Variants in VCAN observed in about 807,000 individuals in gnomAD.
VCAN encodes the protein versican core protein.
A neutral mutation model predicts 245.5 loss-of-function variants in VCAN; 44 were observed. The ratio of observed to expected loss-of-function variants is 0.18; its 90% confidence interval spans 0.14 to 0.23. VCAN has a LOEUF of 0.23. Ranked by LOEUF, VCAN falls within the 10% of genes least tolerant of loss-of-function variation. The pLI, the probability that VCAN is intolerant of heterozygous loss-of-function variation, is 1.00. For missense variants in VCAN, 3,793 were observed against 4,057.9 expected (o/e 0.93, Z 1.77); for synonymous variants, 1,413 against 1,437.0 (o/e 0.98, Z 0.38).
chr5:83,526,824 G>C (rs1746318932), intron 7 of VCAN, among the ~76,000 whole-genome samples: 3 of 152,148 alleles, frequency 2.0e-5, no homozygotes, highest in African/African-American at 7.2e-5. Context: ...ACATGTATGT[G>C]CAAAACTAAG....
chr5:83,521,772 C>T lies in VCAN; in HGVS notation c.3466C>T (p.Pro1156Ser). The change falls in exon 7 of 15, where the codon CCT (proline) becomes TCT (serine). Residue 1156 changes from proline to serine, a missense_variant. Pro to Ser is a moderately conservative substitution (Grantham distance 74). This residue lies in a region of VCAN where 3,182 missense variants were observed against 3,250.3 expected (regional missense o/e 0.98). Coordinates refer to ENST00000265077, the MANE Select transcript of VCAN (RefSeq NM_004385.5). The part of the protein sequence containing the change: ...STTGFTSSLS[P>S]FSTHITQLME... ...AACAGGATTTACATCATCTTTGAGTCCTTTTAGTACCCACATTACCCAGCT... is the reference window on the plus strand; with the variant it reads ...AACAGGATTTACATCATCTTTGAGTTCTTTTAGTACCCACATTACCCAGCT... 6.2e-7 allele frequency: 1 copy of T among 1,614,124 alleles called. No homozygotes were observed.
At chr5:83,529,967 C>A (rs544274609) in intron 7 of VCAN, among the ~76,000 whole-genome samples, 2 of 152,142 alleles carry the variant, frequency 1.3e-5, no homozygotes, top group Admixed American at 6.6e-5. Flanking sequence ...AATTCAAGAT[C>A]ATTTATGCCA....
rs1294233133 is a variant in VCAN at position 83,520,947 on chromosome 5, A to G, written c.2641A>G (p.Ile881Val). The G allele has an allele frequency of 5.0e-6, 8 of 1,614,052 alleles. No individual in the cohort carries two copies. The highest frequency in any genetic ancestry group is 2.2e-5 in the South Asian group (2 of 91,086). ...EDIAAHGKFTIRFQPTTSTGI... is the reference protein window; with the variant it reads ...EDIAAHGKFTVRFQPTTSTGI... Reference sequence around the variant, plus strand: ...CATAGCAGCCCATGGAAAATTCACAATTAGATTTCAGCCAACTACATCAAC... The same window carrying G: ...CATAGCAGCCCATGGAAAATTCACAGTTAGATTTCAGCCAACTACATCAAC... Residue 881 changes from isoleucine (I) to valine (V), a missense_variant, in exon 7 of 15, where the codon ATT (isoleucine) becomes GTT (valine). Transcript: ENST00000265077.
rs370475972 is a variant in VCAN at position 83,574,309 on chromosome 5, C to T, written c.9880+1749C>T. Among the ~76,000 whole-genome samples, 29 of 152,284 alleles carry T rather than the reference C, an allele frequency of 1.9e-4. No homozygotes were observed. The East Asian group carries it at 3.9e-3, about 20-fold the overall frequency. On this transcript the variant is annotated intron_variant, in intron 13 of 14. Coordinates refer to ENST00000265077, the MANE Select transcript of VCAN (RefSeq NM_004385.5). ...TGCTCTATTAGGTTTCTAGGTATTC[C>T]TTAATCCAGTCATGTTGACACCTAA...
chr5:83,568,205 A>C (rs1055839093), intron 12 of VCAN, among the ~76,000 whole-genome samples: 1 of 152,198 alleles, frequency 6.6e-6, no homozygotes, highest in Non-Finnish European at 1.5e-5. Context: ...GACACAAAGG[A>C]AGTTGTTAAG....
In VCAN at chr5:83,541,056, G is replaced by A. The variant is rs59948995; in HGVS notation, c.8053G>A (p.Val2685Ile). 219 of 1,614,004 alleles carry A rather than the reference G, an allele frequency of 1.4e-4. 3 individuals carry two copies. In the East Asian group the frequency reaches 4.4e-3, roughly 32 times the overall value. The change falls in exon 8 of 15, where the codon GTT (valine) becomes ATT (isoleucine). Residue 2685 changes from valine (V) to isoleucine (I), a missense_variant. Coordinates refer to ENST00000265077, the MANE Select transcript of VCAN (RefSeq NM_004385.5). Reference sequence around the variant, plus strand: ...TCCTAGCACAGAAACAGAATTAGACGTTTTACTTCCCACGGCAACATCCCT... The same window carrying A: ...TCCTAGCACAGAAACAGAATTAGACATTTTACTTCCCACGGCAACATCCCT... ...PAPSTETELD[V>I]LLPTATSLPI...
In VCAN at chr5:83,537,039, C is replaced by G. The variant is rs751023698; in HGVS notation, c.4036C>G (p.Pro1346Ala). 1.2e-6 allele frequency: 2 copies of G among 1,607,580 alleles called. No homozygotes were observed. The highest frequency in any genetic ancestry group is 4.5e-5 in the East Asian group (2 of 44,794). ...GAGTGATTTGAGTGTAATTGGTCATCCAATAGATTCAGAATCTAAAGAAGA... is the reference window on the plus strand; with the variant it reads ...GAGTGATTTGAGTGTAATTGGTCATGCAATAGATTCAGAATCTAAAGAAGA... ...RMSDLSVIGH[P>A]IDSESKEDEP... Residue 1346 changes from proline to alanine, a missense_variant, in exon 8 of 15, where the codon CCA (proline) becomes GCA (alanine). Pro to Ala is a conservative substitution (Grantham distance 27). Around this residue, in one of 5 missense-constraint regions of VCAN, gnomAD observed 3,182 missense variants for 3,250.3 expected, o/e 0.98. Coordinates refer to ENST00000265077, the MANE Select transcript of VCAN (RefSeq NM_004385.5).
In VCAN at chr5:83,541,025, C is replaced by T; in HGVS notation, c.8022C>T (p.Ile2674=). The T allele has an allele frequency of 6.2e-7, 1 of 1,614,074 alleles. No individual in the cohort carries two copies. The change falls in exon 8 of 15, where the codon ATC becomes ATT. Residue 2674 remains isoleucine, a synonymous_variant. Transcript: ENST00000265077. Reference sequence around the variant, plus strand: ...TGGGCTTTCACTTCACAACTGGGATCCCTGCTCCTAGCACAGAAACAGAAT... The same window carrying T: ...TGGGCTTTCACTTCACAACTGGGATTCCTGCTCCTAGCACAGAAACAGAAT... The part of the protein sequence containing the change: ...DHMGFHFTTG[I]PAPSTETELD...
chr5:83,547,838 AATT>A, intron 9 of VCAN, 130 bp from the exon 10 acceptor site: 1 of 742,298 alleles, frequency 1.3e-6, no homozygotes, highest in Non-Finnish European at 2.4e-6. Context: ...TATGCTAACA[AATT>A]ATACTTTTTT....
chr5:83,495,013 C>T (rs1745112868), intron 5 of VCAN, among the ~76,000 whole-genome samples: 1 of 152,044 alleles, frequency 6.6e-6, no homozygotes, highest in Non-Finnish European at 1.5e-5. Context: ...AATAAAGGCA[C>T]ATGGAATAGA....
intron 1 of VCAN, among the ~76,000 whole-genome samples, chr5:83,474,128 T>G (rs1744298638): frequency 6.6e-6 from 1 of 151,902 alleles, no homozygotes; most frequent in South Asian, 2.1e-4. Context: ...CGCCCCAGGA[T>G]ATTGCAAAAG....
intron 1 of VCAN, among the ~76,000 whole-genome samples, chr5:83,472,231 G>A (rs982484205): frequency 2.6e-5 from 4 of 150,998 alleles, no homozygotes; most frequent in Non-Finnish European, 5.9e-5. Flanking sequence ...GAGGGACCTT[G>A]GTGTTGAAAA....
At chr5:83,569,277 T>C (rs969556324) in intron 12 of VCAN, among the ~76,000 whole-genome samples, 1 of 152,186 alleles carries the variant, frequency 6.6e-6, no homozygotes, top group African/African-American at 2.4e-5. Flanking sequence ...AGAAAGGTTA[T>C]TTACTTCCAC....
rs1364359177 is a variant in VCAN, at chr5:83,539,608, A to G, written c.6605A>G (p.Lys2202Arg). 6.2e-7 allele frequency: 1 copy of G among 1,614,084 alleles called. No homozygotes were observed. The highest frequency in any genetic ancestry group is 1.7e-5 in the Admixed American group (1 of 60,010). ...ACAACTCTCCCTGAAGCTACTGAAA[A>G]GTCACATTTTTTCTTAGCTACTGCA... ...SYTTLPEATE[K>R]SHFFLATALV... is the part of the protein sequence containing the mutation. The change falls in exon 8 of 15, where the codon AAG (lysine) becomes AGG (arginine). Residue 2202 changes from lysine (K) to arginine (R), a missense_variant. Coordinates refer to ENST00000265077, the MANE Select transcript of VCAN (RefSeq NM_004385.5).
At chr5:83,555,187 A>G in intron 12 of VCAN, 149 bp downstream of exon 12, 2 of 758,214 alleles carry the variant, frequency 2.6e-6, no homozygotes, top group East Asian at 2.8e-5. Context: ...GGGTTAGAAG[A>G]GTTCCAAGCT....
At chr5:83,555,582 G>C (rs1747639494) in intron 12 of VCAN, among the ~76,000 whole-genome samples, 1 of 152,148 alleles carries the variant, frequency 6.6e-6, no homozygotes, top group Non-Finnish European at 1.5e-5. Flanking sequence ...ACTTGGAAAT[G>C]CTGGCCACAA....
At position 83,540,182 on chromosome 5, in the gene VCAN, A is replaced by G. The variant is rs375802295; in HGVS notation, c.7179A>G (p.Glu2393=). Residue 2393 remains glutamate (E), a synonymous_variant, in exon 8 of 15, where the codon GAA becomes GAG. Transcript: ENST00000265077. ...NKNSSTAEIN[E]TTTSSTDFLA... Reference sequence around the variant, plus strand: ...ATTCTTCAACAGCAGAAATTAACGAAACAACAACCTCATCTACTGATTTTC... The same window carrying G: ...ATTCTTCAACAGCAGAAATTAACGAGACAACAACCTCATCTACTGATTTTC... 43 of 1,613,918 alleles carry G rather than the reference A, an allele frequency of 2.7e-5. No homozygotes were observed. The highest frequency in any genetic ancestry group is 3.3e-5 in the Non-Finnish European group (39 of 1,180,008).
In VCAN at chr5:83,561,370, TA is replaced by T. The variant is rs544638898; in HGVS notation, c.9735+6342del. Among the ~76,000 whole-genome samples the T allele has an allele frequency of 1.0e-3, 154 of 149,688 alleles. 2 individuals are homozygous for T. In the South Asian group the frequency reaches 0.013, roughly 13 times the overall value. On this transcript the variant is annotated intron_variant, in intron 12 of 14. Coordinates refer to ENST00000265077, the MANE Select transcript of VCAN (RefSeq NM_004385.5). ...TTGCTATGATAGTTGTGATATAAAC[TA>T]AAAAAAAAACTAATTGATAGGACAA...
At position 83,539,454 on chromosome 5, in the gene VCAN, A is replaced by G. The variant is rs1270803697; in HGVS notation, c.6451A>G (p.Lys2151Glu). 2.5e-6 allele frequency: 4 copies of G among 1,613,486 alleles called. No individual in the cohort carries two copies. The highest frequency in any genetic ancestry group is 3.4e-6 in the Non-Finnish European group (4 of 1,179,788). ...DSQTFTETEL[K>E]TTDYSVLTTK... ...ACAGACATTTACTGAAACTGAACTCAAAACCACAGATTATTCTGTACTAAC... is the reference window on the plus strand; with the variant it reads ...ACAGACATTTACTGAAACTGAACTCGAAACCACAGATTATTCTGTACTAAC... The change falls in exon 8 of 15, where the codon AAA (lysine) becomes GAA (glutamate). Residue 2151 changes from lysine to glutamate, a missense_variant. Lys to Glu is a moderately conservative substitution (Grantham distance 56). This residue lies in a region of VCAN where 3,182 missense variants were observed against 3,250.3 expected (regional missense o/e 0.98). Coordinates refer to ENST00000265077, the MANE Select transcript of VCAN (RefSeq NM_004385.5).
Sources: allele counts gnomAD v4.1 joint callset (sites outside exome capture counted in the v4.1 genomes callset), GRCh38; gene constraint gnomAD v4.1.1; regional missense constraint gnomAD v4.1.1; transcripts MANE v1.5; gene names NCBI Gene and HGNC (gene_info 2026-07-23, HGNC 2026-07-21).